The following NALCN variants were observed in gnomAD, a reference collection of about 807,000 sequenced individuals.
NALCN encodes the protein sodium leak channel, non-selective.
A neutral mutation model predicts 225.3 loss-of-function variants in NALCN; 111 were observed. That is an observed-to-expected ratio of 0.49 (90% CI 0.42 to 0.58). The LOEUF is 0.58. Among genes scored for constraint, NALCN ranks in the 20% least tolerant of loss-of-function variants. The probability of loss-of-function intolerance (pLI) is 0.00; values close to 1 mark genes in which losing one functional copy is unlikely to be tolerated. For synonymous variants in NALCN, 764 were observed against 769.0 expected (o/e 0.99, Z 0.11); for missense variants, 1,378 against 2,202.4 (o/e 0.63, Z 7.49).
At chr13:101,362,173 A>AT (rs1334066090) in intron 6 of NALCN, among the ~76,000 whole-genome samples, 4 of 152,058 alleles carry the variant, frequency 2.6e-5, no homozygotes, top group African/African-American at 9.7e-5. Context: ...CCCATGAAAC[A>AT]TAACATATAC....
chr13:101,316,253 TAATTAGCAAATAGATTA>T (rs1594663042), intron 7 of NALCN, among the ~76,000 whole-genome samples: 1 of 152,344 alleles, frequency 6.6e-6, no homozygotes, highest in East Asian at 1.9e-4. Context: ...TTCATCATGC[TAATTAGCAAATAGATTA>T]AATTATGTAC....
At chr13:101,150,738 T>C (rs7992288) in intron 15 of NALCN, among the ~76,000 whole-genome samples, 117,784 of 152,162 alleles carry the variant, frequency 0.77, 45,909 homozygotes, top group East Asian at 1. Flanking sequence ...GAATGAATAA[T>C]ATATATTATA....
intron 7 of NALCN, among the ~76,000 whole-genome samples, chr13:101,308,394 C>G (rs1018477653): frequency 5.9e-5 from 9 of 152,164 alleles, no homozygotes; most frequent in African/African-American, 2.2e-4. Flanking sequence ...CTTCCACCAG[C>G]TAGAAATAGA....
intron 18 of NALCN, 81 bp from the exon 19 acceptor site, chr13:101,111,307 A>G: frequency 2.4e-6 from 3 of 1,230,626 alleles, no homozygotes; most frequent in Non-Finnish European, 3.3e-6. Flanking sequence ...CATTACTTTT[A>G]TTATTTTAAA....
intron 35 of NALCN, among the ~76,000 whole-genome samples, chr13:101,075,207 G>T (rs1039153033): frequency 2.0e-5 from 3 of 152,096 alleles, no homozygotes; most frequent in African/African-American, 7.2e-5. Flanking sequence ...AAAAATATAT[G>T]TGGAATATAC....
chr13:101,135,635 C>G (rs2036747224), intron 17 of NALCN, among the ~76,000 whole-genome samples: 1 of 152,112 alleles, frequency 6.6e-6, no homozygotes. Context: ...CTCAGGTGAT[C>G]CGCCAGCCTT....
At chr13:101,334,390 C>G (rs536963490) in intron 7 of NALCN, among the ~76,000 whole-genome samples, 6 of 151,830 alleles carry the variant, frequency 4.0e-5, no homozygotes, top group Non-Finnish European at 7.4e-5. Context: ...GAGAGGCAAT[C>G]CAGGAAGAAT....
At chr13:101,245,098 G>T (rs2041855162) in intron 11 of NALCN, among the ~76,000 whole-genome samples, 1 of 152,144 alleles carries the variant, frequency 6.6e-6, no homozygotes, top group Non-Finnish European at 1.5e-5. Context: ...TGGAACGGTG[G>T]CTTCCATTTG....
intron 18 of NALCN, among the ~76,000 whole-genome samples, chr13:101,121,146 G>C (rs1045477799): frequency 6.6e-6 from 1 of 152,122 alleles, no homozygotes; most frequent in African/African-American, 2.4e-5. Context: ...GAGAAGCAGA[G>C]CCTGATCCCA....
At chr13:101,199,051 A>G (rs1191295592) in intron 13 of NALCN, among the ~76,000 whole-genome samples, 2 of 151,982 alleles carry the variant, frequency 1.3e-5, no homozygotes, top group Non-Finnish European at 2.9e-5. Context: ...CAAAAGTCAA[A>G]CACTGCACTT....
chr13:101,291,439 T>A, intron 9 of NALCN, among the ~76,000 whole-genome samples: 1 of 152,178 alleles, frequency 6.6e-6, no homozygotes, highest in East Asian at 1.9e-4. Context: ...TGGTTTTGTA[T>A]CAAAACCACC....
intron 12 of NALCN, among the ~76,000 whole-genome samples, chr13:101,235,423 T>C (rs965492536): frequency 6.6e-6 from 1 of 152,174 alleles, no homozygotes; most frequent in African/African-American, 2.4e-5. Flanking sequence ...TTTAATAGCT[T>C]TGTAAAAAAG....
chr13:101,065,166 C>A (rs1284198763), intron 40 of NALCN, among the ~76,000 whole-genome samples: 1 of 152,138 alleles, frequency 6.6e-6, no homozygotes, highest in African/African-American at 2.4e-5. Flanking sequence ...GGGGTCCCTA[C>A]GGGACATCAG....
intron 26 of NALCN, among the ~76,000 whole-genome samples, chr13:101,101,105 C>T (rs1424359218): frequency 1.3e-5 from 2 of 151,862 alleles, no homozygotes; most frequent in Non-Finnish European, 2.9e-5. Context: ...TAAATGGAAA[C>T]ATGAATTTCA....
chr13:101,175,203 C>G (rs1238061468), intron 15 of NALCN, among the ~76,000 whole-genome samples: 1 of 151,460 alleles, frequency 6.6e-6, no homozygotes, highest in African/African-American at 2.4e-5. Context: ...CAAAACCTTT[C>G]TTGGTATGCT....
rs771289072 is a variant in NALCN at position 101,258,425 on chromosome 13, C to T, written c.1266+18G>A. The T allele has an allele frequency of 2.5e-6, 4 of 1,613,704 alleles. No homozygotes were observed. Among genetic ancestry groups the T allele is most frequent in the African/African-American group, 2.7e-5 (2 of 74,904 alleles). On this transcript the variant is annotated intron_variant, in intron 11 of 43. Transcript: ENST00000251127. ...CCTGCTCCTTGCCCAGCGATCTGCACGGTGGAGAGCTGCTTACCTCCGCCA... is the reference window on the plus strand; with the variant it reads ...CCTGCTCCTTGCCCAGCGATCTGCATGGTGGAGAGCTGCTTACCTCCGCCA...
rs528115176 is a variant in NALCN at position 101,140,101 on chromosome 13, C to A, written c.2118+2979G>T. Among the ~76,000 whole-genome samples, 5 of 152,320 alleles carry A rather than the reference C, an allele frequency of 3.3e-5. No homozygotes were observed. In the South Asian group the frequency reaches 1.0e-3, roughly 32 times the overall value. On this transcript the variant is annotated intron_variant, in intron 17 of 43. Coordinates refer to ENST00000251127, the MANE Select transcript of NALCN (RefSeq NM_052867.4). ...AGCTTTAAGAAAGCGTGGATAGTAA[C>A]AGGAGCAGTTGTCTTGCCACTCCCA... is the stretch of plus-strand genomic sequence containing the variant.
rs180942138 is a variant in NALCN, at chr13:101,319,685, T to C, written c.799+25581A>G. 1.2e-3 allele frequency among the ~76,000 whole-genome samples: 176 copies of C among 152,334 alleles called. 1 individual carries two copies. The highest frequency in any genetic ancestry group is 2.8e-3 in the African/African-American group (116 of 41,590). On this transcript the variant is annotated intron_variant, in intron 7 of 43. Transcript: ENST00000251127. ...TAAAAGATTTTAAATCAACAAGTCA[T>C]GTATATTTTATATACAGCCATTTGT...
intron 6 of NALCN, among the ~76,000 whole-genome samples, chr13:101,346,961 C>T (rs765683641): frequency 3.9e-5 from 6 of 152,122 alleles, no homozygotes; most frequent in Admixed American, 6.6e-5. Context: ...GCCTCAGTCA[C>T]GTGAGTTTCT....
Sources: gnomAD v4.1 joint callset for allele counts (sites outside exome capture counted in the v4.1 genomes callset) on GRCh38, gnomAD v4.1.1 for gene constraint, MANE v1.5 for transcripts, NCBI Gene and HGNC (gene_info 2026-07-23, HGNC 2026-07-21) for gene names.